The following TARM1 variants were observed in gnomAD, a reference collection of about 807,000 sequenced individuals.
TARM1 encodes the protein T-cell-interacting, activating receptor on myeloid cells protein 1.
A neutral mutation model predicts 30.4 loss-of-function variants in TARM1; 24 were observed. The observed-to-expected ratio is 0.79, with a 90% CI of 0.57 to 1.11. TARM1 has a LOEUF of 1.11. Ranked by LOEUF, TARM1 falls within the 50% of genes least tolerant of loss-of-function variation. The pLI, the probability that TARM1 is intolerant of heterozygous loss-of-function variation, is 0.00. For missense variants in TARM1, 323 were observed against 332.8 expected, an observed-to-expected ratio of 0.97 and a Z score of 0.23; for synonymous variants, 129 against 138.9, an observed-to-expected ratio of 0.93 and a Z score of 0.50.
intron 1 of TARM1, among the ~76,000 whole-genome samples, chr19:54,079,999 T>G: frequency 1.4e-5 from 1 of 69,094 alleles, no homozygotes. Context: ...TGAGACTTTG[T>G]CTCAAAAAAA....
intron 4 of TARM1, among the ~76,000 whole-genome samples, chr19:54,071,178 G>A (rs971269903): frequency 1.3e-5 from 2 of 151,980 alleles, no homozygotes; most frequent in African/African-American, 4.8e-5. Flanking sequence ...AACTGGTTTC[G>A]AACTCCTGGC....
At chr19:54,078,571 G>A (rs1031011482) in intron 1 of TARM1, among the ~76,000 whole-genome samples, 2 of 151,720 alleles carry the variant, frequency 1.3e-5, no homozygotes, top group Non-Finnish European at 2.9e-5. Flanking sequence ...TAGAAATGGG[G>A]TTTCACCCTA....
At chr19:54,075,985 C>T in intron 1 of TARM1, 67 bp from the exon 2 acceptor site, 1 of 1,535,988 alleles carries the variant, frequency 6.5e-7, no homozygotes, top group Non-Finnish European at 8.8e-7. Flanking sequence ...GCCCTGACCC[C>T]TGGAGATCGT....
In TARM1 at chr19:54,075,803, A is replaced by AG; in HGVS notation, c.70+79_70+80insC. ...TGAGACTCCGTCAAAAAAAAAAGAG[A>AG]AAAAGAGGGGGAAGGGGAAGAGAAC... On this transcript the variant is annotated intron_variant, in intron 2 of 4. Transcript: ENST00000432826. 4 of 1,450,846 alleles carry AG rather than the reference A, an allele frequency of 2.8e-6. No homozygotes were observed. In the African/African-American group the frequency reaches 4.8e-5, roughly 17 times the overall value. The allele number at this position is 1,450,846 out of a possible 1,614,324, so 89.9% of individuals were successfully genotyped here. A position where few individuals can be genotyped will look rare whatever the true frequency, so the allele number is the denominator to read the frequency against.
intron 1 of TARM1, among the ~76,000 whole-genome samples, chr19:54,078,320 G>T (rs2146222684): frequency 1.3e-5 from 2 of 150,784 alleles, no homozygotes; most frequent in African/African-American, 2.4e-5. Context: ...CGAGTAGCTG[G>T]GACTACAGCT....
intron 1 of TARM1, among the ~76,000 whole-genome samples, chr19:54,080,521 A>AGGAAGGAAGGAAG (rs2072102627): frequency 6.8e-6 from 1 of 147,452 alleles, no homozygotes; most frequent in Non-Finnish European, 1.5e-5. Context: ...GAAGGAAGGA[A>AGGAAGGAAGGAAG]GGAAGGAAGG....
chr19:54,074,706 T>C (rs1448102268), intron 3 of TARM1, 118 bp downstream of exon 3: 23 of 1,111,210 alleles, frequency 2.1e-5, no homozygotes, highest in Admixed American at 8.0e-5. Flanking sequence ...CCTGTCTCTC[T>C]CCCTCTCCCA....
chr19:54,074,813 C>T lies in TARM1; in HGVS notation c.361+11G>A, dbSNP rs2071903675. On this transcript the variant is annotated intron_variant, in intron 3 of 4. Coordinates refer to ENST00000432826, the MANE Select transcript of TARM1 (RefSeq NM_001135686.3). ...TCCCCCGTATGTCATTGGCAGGCAC[C>T]CTGTCTGTACCTGTCACCAACAGTA... 1 of 1,548,318 alleles carries T rather than the reference C, an allele frequency of 6.5e-7. No individual in the cohort carries two copies. Among genetic ancestry groups the T allele is most frequent in the Non-Finnish European group, 8.7e-7 (1 of 1,144,388 alleles).
rs1275172904 is a variant in TARM1 at position 54,074,173 on chromosome 19, T to C, written c.405A>G (p.Thr135=). ...KPFLRTYQRG[T]VTAGGRVTLQ... ...GAGTCACCCTTCCACCTGCGGTCAC[T>C]GTACCCCTTTGGTAGGTTCGGAGGA... Residue 135 remains threonine, a synonymous_variant, in exon 4 of 5, where the codon ACA becomes ACG. Coordinates refer to ENST00000432826, the MANE Select transcript of TARM1 (RefSeq NM_001135686.3). 2 of 1,551,702 alleles carry C rather than the reference T, an allele frequency of 1.3e-6. No individual in the cohort carries two copies. Among genetic ancestry groups the C allele is most frequent in the Admixed American group, 3.9e-5 (2 of 50,990 alleles).
At chr19:54,073,407 CAAAAA>C (rs745643672) in intron 4 of TARM1, among the ~76,000 whole-genome samples, 13 of 66,076 alleles carry the variant, frequency 2.0e-4, no homozygotes, top group South Asian at 7.7e-4. Context: ...GACTCCATTT[CAAAAA>C]AAAAAAAAAA....
chr19:54,074,285 T>G, intron 3 of TARM1, 69 bp from the exon 4 acceptor site: 1 of 1,418,306 alleles, frequency 7.1e-7, no homozygotes, highest in Non-Finnish European at 9.6e-7. Context: ...CCTGTTCTCC[T>G]GGCCGGAGGC....
In TARM1 at chr19:54,080,047, A is replaced by AGGAAGGAAGGAAGGAAGGAG. The variant is rs1337743038; in HGVS notation, c.34+1259_34+1260insCTCCTTCCTTCCTTCCTTCC. Among the ~76,000 whole-genome samples, 8 of 134,534 alleles carry AGGAAGGAAGGAAGGAAGGAG rather than the reference A, an allele frequency of 5.9e-5. 1 individual carries two copies. Among genetic ancestry groups the AGGAAGGAAGGAAGGAAGGAG allele is most frequent in the East Asian group, 4.4e-4 (2 of 4,588 alleles). The allele number at this position is 134,534 out of a possible 152,430, so 88.3% of individuals were successfully genotyped here. A position where few individuals can be genotyped will look rare whatever the true frequency, so the allele number is the denominator to read the frequency against. On this transcript the variant is annotated intron_variant, in intron 1 of 4. Transcript: ENST00000432826. ...AAGGAAGGAAGGAAGGAAGGAAGGAAGGGAAAGAGAGAGAGGAAGGAAGGA... is the reference window on the plus strand; with the variant it reads ...AAGGAAGGAAGGAAGGAAGGAAGGAAGGAAGGAAGGAAGGAAGGAGGGGAAAGAGAGAGAGGAAGGAAGGA...
At chr19:54,080,052 A>AGGAAGGGAC in intron 1 of TARM1, among the ~76,000 whole-genome samples, 1 of 24,580 alleles carries the variant, frequency 4.1e-5, no homozygotes, top group Non-Finnish European at 9.2e-5. Flanking sequence ...AAGGAAGGGA[A>AGGAAGGGAC]AGAGAGAGAG....
At chr19:54,079,972 C>T (rs587674879) in intron 1 of TARM1, among the ~76,000 whole-genome samples, 1 of 140,896 alleles carries the variant, frequency 7.1e-6, no homozygotes, top group East Asian at 2.1e-4. Context: ...CCACTGCACT[C>T]CAGCCTGGGT....
At chr19:54,073,090 T>G (rs2071850637) in intron 4 of TARM1, among the ~76,000 whole-genome samples, 1 of 151,534 alleles carries the variant, frequency 6.6e-6, no homozygotes, top group Non-Finnish European at 1.5e-5. Flanking sequence ...AGCCTAGAAA[T>G]TTTCCAAGGA....
rs1189933054 is a variant in TARM1, at chr19:54,073,972, CTT to C, written c.604_605del (p.Lys202ValfsTer10). 15 of 1,551,684 alleles carry C rather than the reference CTT, an allele frequency of 9.7e-6. No homozygotes were observed. The highest frequency in any genetic ancestry group is 4.9e-5 in the East Asian group (2 of 40,916). ...TGGGTTCTGAGGCCCAGAAGGGAGA[CTT>C]TGTCTGGTAGTACATGCAGCTGTAG... ...GNYSCMYYQT[K>X]SPFWASEPSD... On this transcript the variant is annotated frameshift_variant, in exon 4 of 5. Transcript: ENST00000432826.
intron 1 of TARM1, among the ~76,000 whole-genome samples, chr19:54,080,030 A>AAGGG: frequency 7.4e-6 from 1 of 134,994 alleles, no homozygotes; most frequent in African/African-American, 2.7e-5. Context: ...GGAAGGAAGG[A>AAGGG]AGGAAGGAAG....
intron 1 of TARM1, among the ~76,000 whole-genome samples, chr19:54,078,285 A>G (rs1442050361): frequency 2.8e-5 from 4 of 142,316 alleles, no homozygotes; most frequent in Non-Finnish European, 6.0e-5. Flanking sequence ...CCCTGGGCTC[A>G]GGTGATCCTC....
At chr19:54,074,302 G>GA in intron 3 of TARM1, 86 bp from the exon 4 acceptor site, 1 of 1,273,062 alleles carries the variant, frequency 7.9e-7, no homozygotes, top group Non-Finnish European at 1.1e-6. Context: ...AGGCTCTCGT[G>GA]GAGTGTGGGA....
Sources: gnomAD v4.1 joint callset for allele counts (sites outside exome capture counted in the v4.1 genomes callset) on GRCh38, gnomAD v4.1.1 for gene constraint, MANE v1.5 for transcripts, NCBI Gene and HGNC (gene_info 2026-07-23, HGNC 2026-07-21) for gene names.